VIT: variants seen among roughly 807,000 people sequenced by gnomAD.
The protein encoded by VIT is vitrin.
VIT carries 99 observed loss-of-function variants against 78.0 expected under a neutral mutation model. The observed-to-expected ratio is 1.27, with a 90% confidence interval of 1.08 to 1.50. The LOEUF is 1.50. Among genes scored for constraint, VIT ranks in the 40% most tolerant of loss-of-function variants. The pLI is 0.00. For synonymous variants in VIT, 374 were observed against 334.3 expected (o/e 1.12, Z -1.29); for missense variants, 1,126 against 875.3 (o/e 1.29, Z -3.61).
intron 12 of VIT, among the ~76,000 whole-genome samples, chr2:36,797,015 G>T (rs1665952013): frequency 6.6e-6 from 1 of 151,730 alleles, no homozygotes; most frequent in Non-Finnish European, 1.5e-5. Context: ...CATTATGTTT[G>T]ATGGACAATT....
chr2:36,795,407 AT>A (rs1433740020), intron 12 of VIT, among the ~76,000 whole-genome samples: 1 of 145,396 alleles, frequency 6.9e-6, no homozygotes, highest in Non-Finnish European at 1.5e-5. Context: ...TATTTTATTT[AT>A]TTTATTTTAT....
At chr2:36,697,697 G>T (rs1019518590) in intron 1 of VIT, among the ~76,000 whole-genome samples, 1 of 152,198 alleles carries the variant, frequency 6.6e-6, no homozygotes, top group South Asian at 2.1e-4. Flanking sequence ...ACAGGTTAAA[G>T]AGAGAGGATA....
chr2:36,800,958 G>A (rs1381221577), intron 12 of VIT, among the ~76,000 whole-genome samples: 1 of 152,124 alleles, frequency 6.6e-6, no homozygotes, highest in East Asian at 1.9e-4. Flanking sequence ...TCCACAGATG[G>A]GATCCTGACA....
intron 2 of VIT, among the ~76,000 whole-genome samples, chr2:36,718,197 C>A (rs1304318328): frequency 6.6e-6 from 1 of 152,154 alleles, no homozygotes; most frequent in Non-Finnish European, 1.5e-5. Flanking sequence ...GGGCTCAGGA[C>A]TTCAACATAT....
chr2:36,773,959 C>T (rs1387618497), intron 8 of VIT, 112 bp downstream of exon 8: 2 of 1,089,966 alleles, frequency 1.8e-6, no homozygotes, highest in East Asian at 3.0e-5. Context: ...ACTATTAAAC[C>T]ACTTAGGCCA....
chr2:36,806,541 C>A (rs1478197973), intron 14 of VIT, among the ~76,000 whole-genome samples: 1 of 151,954 alleles, frequency 6.6e-6, no homozygotes, highest in African/African-American at 2.4e-5. Flanking sequence ...ACTGCTTCCA[C>A]CTTTATCTCT....
intron 1 of VIT, among the ~76,000 whole-genome samples, chr2:36,700,019 AT>A (rs1387575148): frequency 1.4e-5 from 2 of 142,562 alleles, no homozygotes; most frequent in African/African-American, 5.1e-5. Context: ...ATGTTAGTTA[AT>A]TTTTTTTAAT....
At chr2:36,745,035 G>T (rs533677171) in intron 4 of VIT, among the ~76,000 whole-genome samples, 1 of 152,170 alleles carries the variant, frequency 6.6e-6, no homozygotes, top group South Asian at 2.1e-4. Context: ...TTTGCATATG[G>T]ATAGCCAGTT....
intron 9 of VIT, 92 bp from the exon 10 acceptor site, chr2:36,781,635 T>A (rs1664758992): frequency 6.9e-7 from 1 of 1,446,242 alleles, no homozygotes; most frequent in African/African-American, 1.4e-5. Context: ...CAGACACAAT[T>A]GGGAAACCTT....
intron 3 of VIT, among the ~76,000 whole-genome samples, chr2:36,740,515 A>G (rs1187531452): frequency 6.6e-6 from 1 of 152,128 alleles, no homozygotes; most frequent in East Asian, 1.9e-4. Flanking sequence ...TTTCTGTACA[A>G]ATTTAACAAA....
chr2:36,808,903 C>A lies in VIT; in HGVS notation c.1821C>A (p.Asn607Lys). The A allele has an allele frequency of 6.2e-7, 1 of 1,614,068 alleles. No homozygotes were observed. Among genetic ancestry groups the A allele is most frequent in the Non-Finnish European group, 8.5e-7 (1 of 1,179,974 alleles). Residue 607 changes from asparagine to lysine, a missense_variant, in exon 15 of 16, where the codon AAC becomes AAA. Coordinates refer to ENST00000379242, the MANE Select transcript of VIT (RefSeq NM_053276.4). ...AGCTCTTCAAGAAGTCCAAGCCCAA[C>A]AAGAGGAAGTTAATGATCCTCATCA... ...LEQLFKKSKP[N>K]KRKLMILITD...
chr2:36,714,892 T>C (rs1233174862), intron 1 of VIT, among the ~76,000 whole-genome samples: 1 of 152,196 alleles, frequency 6.6e-6, no homozygotes, highest in African/African-American at 2.4e-5. Flanking sequence ...AATAGTAGTA[T>C]CAGCAAACCT....
intron 12 of VIT, among the ~76,000 whole-genome samples, chr2:36,796,208 C>T (rs929343524): frequency 6.6e-6 from 1 of 151,642 alleles, no homozygotes; most frequent in African/African-American, 2.4e-5. Flanking sequence ...AAATGGTAAA[C>T]CCTTCTCAGC....
At chr2:36,738,305 G>C (rs1232850648) in intron 3 of VIT, among the ~76,000 whole-genome samples, 3 of 152,146 alleles carry the variant, frequency 2.0e-5, no homozygotes, top group African/African-American at 7.2e-5. Context: ...CTGAGTTCAG[G>C]TCTTAGTTCT....
chr2:36,713,156 G>C (rs1007604002), intron 1 of VIT, among the ~76,000 whole-genome samples: 1 of 152,222 alleles, frequency 6.6e-6, no homozygotes, highest in Non-Finnish European at 1.5e-5. Context: ...GGTGAGGTGG[G>C]AGGAGGATTG....
At chr2:36,701,289 G>C (rs1380293517) in intron 1 of VIT, among the ~76,000 whole-genome samples, 1 of 152,112 alleles carries the variant, frequency 6.6e-6, no homozygotes, top group Non-Finnish European at 1.5e-5. Flanking sequence ...TAGGTGGTGC[G>C]AGTGGAGGGA....
At chr2:36,742,179 T>C (rs1477534172) in intron 3 of VIT, among the ~76,000 whole-genome samples, 1 of 152,194 alleles carries the variant, frequency 6.6e-6, no homozygotes, top group Non-Finnish European at 1.5e-5. Flanking sequence ...CTTTTCCTTC[T>C]GGAGTTATTG....
At chr2:36,754,653 T>A (rs915402323) in intron 4 of VIT, among the ~76,000 whole-genome samples, 5 of 152,070 alleles carry the variant, frequency 3.3e-5, no homozygotes, top group African/African-American at 1.2e-4. Context: ...GGAAAAGAAA[T>A]CTGAGGCATG....
intron 2 of VIT, among the ~76,000 whole-genome samples, chr2:36,727,181 C>T (rs1666907748): frequency 6.6e-6 from 1 of 151,990 alleles, no homozygotes; most frequent in Admixed American, 6.5e-5. Flanking sequence ...TGATGAGTGT[C>T]CTTCTTCTCC....
Sources: gnomAD v4.1 joint callset for allele counts (sites outside exome capture counted in the v4.1 genomes callset) on GRCh38, gnomAD v4.1.1 for gene constraint, MANE v1.5 for transcripts, NCBI Gene and HGNC (gene_info 2026-07-23, HGNC 2026-07-21) for gene names.